MEGF11: variants seen among roughly 807,000 people sequenced by gnomAD.
The protein encoded by MEGF11 is multiple EGF like domains 11.
MEGF11 carries 126 observed loss-of-function variants against 146.6 expected under a neutral mutation model. The observed-to-expected ratio is 0.86, with a 90% CI of 0.74 to 1.00. The LOEUF (loss-of-function observed/expected upper bound fraction) is 1.00. Ranked by LOEUF, MEGF11 falls within the 50% of genes least tolerant of loss-of-function variation. The pLI, the probability that MEGF11 is intolerant of heterozygous loss-of-function variation, is 0.00. For synonymous variants in MEGF11, 532 were observed against 583.4 expected, an observed-to-expected ratio of 0.91 and a Z score of 1.27; for missense variants, 1,509 against 1,521.2, an observed-to-expected ratio of 0.99 and a Z score of 0.13.
At chr15:66,214,153 A>T (rs569955852) in intron 1 of MEGF11, among the ~76,000 whole-genome samples, 1 of 149,752 alleles carries the variant, frequency 6.7e-6, no homozygotes, top group East Asian at 2.0e-4. Context: ...CTCTTGCCTC[A>T]GCCTCCCGAG....
At chr15:65,951,233 GGATTTTCATA>G (rs2080390017) in intron 10 of MEGF11, among the ~76,000 whole-genome samples, 1 of 152,198 alleles carries the variant, frequency 6.6e-6, no homozygotes, top group South Asian at 2.1e-4. Flanking sequence ...AGGCTGAGAA[GGATTTTCATA>G]GATGCGATAG....
intron 5 of MEGF11, among the ~76,000 whole-genome samples, chr15:66,067,566 G>A (rs1597048628): frequency 6.6e-6 from 1 of 152,322 alleles, no homozygotes; most frequent in Admixed American, 6.5e-5. Context: ...TGTGGCAGGT[G>A]GGACCCTTTG....
chr15:65,934,079 C>T (rs777274082), intron 10 of MEGF11, among the ~76,000 whole-genome samples: 14 of 152,202 alleles, frequency 9.2e-5, no homozygotes, highest in Non-Finnish European at 2.1e-4. Flanking sequence ...TATCACCACA[C>T]ACTACAGGTA....
At chr15:66,064,867 G>A (rs1384607616) in intron 5 of MEGF11, among the ~76,000 whole-genome samples, 3 of 152,054 alleles carry the variant, frequency 2.0e-5, no homozygotes, top group Non-Finnish European at 2.9e-5. Context: ...AAGTGCTATT[G>A]TTCCATCATC....
chr15:66,092,600 C>T (rs1670241982), intron 5 of MEGF11, among the ~76,000 whole-genome samples: 1 of 152,170 alleles, frequency 6.6e-6, no homozygotes, highest in South Asian at 2.1e-4. Context: ...CTGCCTAGTC[C>T]TGTTCATCAA....
At chr15:66,168,119 G>A (rs1236318082) in intron 1 of MEGF11, among the ~76,000 whole-genome samples, 8 of 151,856 alleles carry the variant, frequency 5.3e-5, no homozygotes, top group Non-Finnish European at 7.4e-5. Flanking sequence ...TTCCAGTCCC[G>A]CCAGCTCCTA....
intron 1 of MEGF11, among the ~76,000 whole-genome samples, chr15:66,160,869 AG>A (rs1353013427): frequency 1.3e-5 from 2 of 152,212 alleles, no homozygotes; most frequent in Admixed American, 6.5e-5. Context: ...AGCTAGAAGC[AG>A]GATGGCAGCT....
intron 1 of MEGF11, among the ~76,000 whole-genome samples, chr15:66,231,569 C>T (rs2091968046): frequency 6.6e-6 from 1 of 152,152 alleles, no homozygotes; most frequent in Non-Finnish European, 1.5e-5. Context: ...TCTACAGAAA[C>T]AGATGCTCCA....
Position 66,128,337 on chromosome 15 carries a change from C to T in MEGF11, c.67G>A (p.Glu23Lys), listed in dbSNP as rs371813363. 1.3e-5 allele frequency: 20 copies of T among 1,524,500 alleles called. No homozygotes were observed. Among genetic ancestry groups the T allele is most frequent in the East Asian group, 7.9e-5 (3 of 38,182 alleles). The allele number at this position is 1,524,500 out of a possible 1,614,324, so 94.4% of individuals were successfully genotyped here. Reference sequence around the variant, plus strand: ...CAGTGGCTGCACACGTTGGGGTCCTCGGGGTTCAGGGCAAGGGTGGCTTGC... The same window carrying T: ...CAGTGGCTGCACACGTTGGGGTCCTTGGGGTTCAGGGCAAGGGTGGCTTGC... ...FLQATLALNP[E>K]DPNVCSHWES... Residue 23 changes from glutamate to lysine, a missense_variant, in exon 2 of 26, where the codon GAG becomes AAG. Physicochemically the swap from Glu to Lys is moderately conservative, Grantham distance 56. Transcript: ENST00000395614.
At chr15:65,979,951 T>C (rs1202281154) in intron 7 of MEGF11, among the ~76,000 whole-genome samples, 2 of 152,116 alleles carry the variant, frequency 1.3e-5, no homozygotes, top group Non-Finnish European at 2.9e-5. Flanking sequence ...CAGTGGTTTT[T>C]CCCAGACATG....
At chr15:66,199,139 A>G (rs1051829105) in intron 1 of MEGF11, among the ~76,000 whole-genome samples, 1 of 152,182 alleles carries the variant, frequency 6.6e-6, no homozygotes, top group African/African-American at 2.4e-5. Flanking sequence ...CAAGGGAAAA[A>G]AAACATATCT....
Position 66,134,265 on chromosome 15 carries a change from C to T in MEGF11, c.-8-5854G>A, listed in dbSNP as rs149476552. Among the ~76,000 whole-genome samples, 741 of 152,270 alleles carry T rather than the reference C, an allele frequency of 4.9e-3. 6 individuals carry two copies. Among genetic ancestry groups the T allele is most frequent in the African/African-American group, 0.017 (702 of 41,554 alleles). ...GCCTCTGAATTCTGGGCCCTCAAACCGCCTCCTGCTCGCCCCAACTCCCAA... is the reference window on the plus strand; with the variant it reads ...GCCTCTGAATTCTGGGCCCTCAAACTGCCTCCTGCTCGCCCCAACTCCCAA... On this transcript the variant is annotated intron_variant, in intron 1 of 25. Coordinates refer to ENST00000395614, the MANE Select transcript of MEGF11 (RefSeq NM_001385028.1).
intron 7 of MEGF11, among the ~76,000 whole-genome samples, chr15:65,973,922 T>C (rs2141630673): frequency 6.6e-6 from 1 of 152,310 alleles, no homozygotes; most frequent in South Asian, 2.1e-4. Context: ...TGCCCCCCAG[T>C]ATTAGCCTTG....
At chr15:66,206,737 A>G (rs1159892204) in intron 1 of MEGF11, among the ~76,000 whole-genome samples, 1 of 152,044 alleles carries the variant, frequency 6.6e-6, no homozygotes, top group Non-Finnish European at 1.5e-5. Flanking sequence ...CGTCTCTACT[A>G]AAAGTACAAA....
intron 23 of MEGF11, among the ~76,000 whole-genome samples, chr15:65,908,029 G>A (rs1013612401): frequency 1.1e-4 from 16 of 152,218 alleles, no homozygotes; most frequent in African/African-American, 3.9e-4. Flanking sequence ...GGGGCTGTGT[G>A]TGTGTGTATA....
At chr15:66,039,320 C>T (rs2083856403) in intron 5 of MEGF11, among the ~76,000 whole-genome samples, 1 of 152,192 alleles carries the variant, frequency 6.6e-6, no homozygotes, top group Non-Finnish European at 1.5e-5. Context: ...AGAGGCTTTG[C>T]TCAGAGCAGG....
chr15:65,974,317 C>T (rs999218462), intron 7 of MEGF11, among the ~76,000 whole-genome samples: 3 of 152,024 alleles, frequency 2.0e-5, no homozygotes, highest in African/African-American at 7.3e-5. Flanking sequence ...AGGGCAGAAG[C>T]AGCCGAGGAC....
intron 5 of MEGF11, among the ~76,000 whole-genome samples, chr15:65,992,875 C>T (rs748399117): frequency 3.3e-5 from 5 of 152,184 alleles, no homozygotes; most frequent in Non-Finnish European, 5.9e-5. Flanking sequence ...CACAACTTCA[C>T]AGCGAGGGTG....
At chr15:65,923,974 G>A (rs1428920692) in intron 13 of MEGF11, among the ~76,000 whole-genome samples, 1 of 152,200 alleles carries the variant, frequency 6.6e-6, no homozygotes, top group Non-Finnish European at 1.5e-5. Context: ...GGCTTCAGCA[G>A]GTGAATATCA....
Sources: allele counts gnomAD v4.1 joint callset (sites outside exome capture counted in the v4.1 genomes callset), GRCh38; gene constraint gnomAD v4.1.1; transcripts MANE v1.5; gene names NCBI Gene and HGNC (gene_info 2026-07-23, HGNC 2026-07-21).